The following SSBP4 variants were observed in gnomAD, a reference collection of about 807,000 sequenced individuals.
SSBP4 encodes the protein single-stranded DNA-binding protein 4.
Under a neutral mutation model 64.6 loss-of-function variants are expected in SSBP4, and 33 were observed. The observed-to-expected ratio is 0.51, with a 90% confidence interval of 0.39 to 0.68. The LOEUF (loss-of-function observed/expected upper bound fraction) is 0.68. SSBP4 is among the 30% of genes least tolerant of loss of function. The pLI is 0.00. For missense variants in SSBP4, 583 were observed against 566.8 expected (o/e 1.03, Z -0.29); for synonymous variants, 243 against 224.0 (o/e 1.08, Z -0.76).
chr19:18,433,702 G>T lies in SSBP4; in HGVS notation c.1021-8G>T, dbSNP rs1010290004. The stretch of plus-strand genomic sequence containing the variant: ...GGGGAGTTGCGAGCCGACGGCGGCC[G>T]CCCCCAGAGTTCCCCCGGCGCCGTG... On this transcript the variant is annotated splice_region_variant and splice_polypyrimidine_tract_variant and intron_variant, in intron 16 of 17. Coordinates refer to ENST00000270061, the MANE Select transcript of SSBP4 (RefSeq NM_032627.5). The T allele has an allele frequency of 4.8e-5, 68 of 1,426,562 alleles. No homozygotes were observed. In the African/African-American group the frequency reaches 9.7e-4, roughly 20 times the overall value. 88.4% of individuals were successfully genotyped at this position (1,426,562 alleles called of 1,614,324 possible). A position where few individuals can be genotyped will look rare whatever the true frequency, so the allele number is the denominator to read the frequency against.
At chr19:18,407,305 T>C in the SSBP4 span, among the ~76,000 whole-genome samples, 1 of 152,048 alleles carries the variant, frequency 6.6e-6, no homozygotes, top group African/African-American at 2.4e-5. Flanking sequence ...CCCAGAGTGC[T>C]GGGATTACAG....
At chr19:18,409,908 TG>T in the SSBP4 span, among the ~76,000 whole-genome samples, 1 of 152,330 alleles carries the variant, frequency 6.6e-6, no homozygotes, top group African/African-American at 2.4e-5. Context: ...CTCGGCTCAC[TG>T]AAATCTCTGT....
chr19:18,434,102 C>T, intron 17 of SSBP4, 115 bp from the exon 18 acceptor site: 1 of 1,492,038 alleles, frequency 6.7e-7, no homozygotes, highest in East Asian at 2.6e-5. Context: ...TGTCCCCACC[C>T]CATGTCTGCC....
At chr19:18,430,121 G>A (rs927519921) in intron 4 of SSBP4, among the ~76,000 whole-genome samples, 30 of 152,150 alleles carry the variant, frequency 2.0e-4, no homozygotes, top group African/African-American at 7.2e-4. Flanking sequence ...GGCTTGGCCT[G>A]GACCATACAG....
Position 18,432,201 on chromosome 19 carries a change from C to T in SSBP4, c.691C>T (p.Pro231Ser). Residue 231 changes from proline (P) to serine (S), a missense_variant, in exon 10 of 18, where the codon CCT (proline) becomes TCT (serine). By Grantham distance (74) the Pro-to-Ser change is moderately conservative. Around this residue, in one of 5 missense-constraint regions of SSBP4, gnomAD observed 444 missense variants for 386.6 expected, o/e 1.15. Transcript: ENST00000270061. ...PPNSLAGPGLPAMNMGPGVRG... is the reference protein window; with the variant it reads ...PPNSLAGPGLSAMNMGPGVRG... The stretch of plus-strand genomic sequence containing the variant: ...CAACTCCCTCGCCGGCCCAGGCCTG[C>T]CTGCCATGAACATGTAAGACCCTGG... 6.2e-7 allele frequency: 1 copy of T among 1,613,154 alleles called. No homozygotes were observed. Among genetic ancestry groups the T allele is most frequent in the Non-Finnish European group, 8.5e-7 (1 of 1,179,978 alleles).
the SSBP4 span, among the ~76,000 whole-genome samples, chr19:18,405,740 A>C: frequency 6.6e-6 from 1 of 152,124 alleles, no homozygotes; most frequent in African/African-American, 2.4e-5. Flanking sequence ...TAATCCCAGC[A>C]CTTTGGGAGA....
chr19:18,409,301 C>G, the SSBP4 span, among the ~76,000 whole-genome samples: 5 of 151,444 alleles, frequency 3.3e-5, no homozygotes, highest in Non-Finnish European at 7.4e-5. Flanking sequence ...ATTCTCTCGC[C>G]TCAGCCTTCT....
rs1972601209 is a variant in SSBP4 at position 18,423,483 on chromosome 19, C to G, written c.59+3776C>G. 6.6e-6 allele frequency among the ~76,000 whole-genome samples: 1 copy of G among 152,116 alleles called. No individual in the cohort carries two copies. Among genetic ancestry groups the G allele is most frequent in the Non-Finnish European group, 1.5e-5 (1 of 68,022 alleles). ...GAGGGTTGGAGGGTCAGGAGTGAGA[C>G]CTGGTGACGGATGGCAAGGTGACAC... On this transcript the variant is annotated intron_variant, in intron 1 of 17. Coordinates refer to ENST00000270061, the MANE Select transcript of SSBP4 (RefSeq NM_032627.5). This position sits in a 1 kb window ranked among gnomAD's most constrained non-coding sequence, Gnocchi z 4.0.
In SSBP4 at chr19:18,432,561, GC is replaced by G; in HGVS notation, c.710del (p.Pro237GlnfsTer57). On this transcript the variant is annotated frameshift_variant, in exon 11 of 18. Transcript: ENST00000270061. LOFTEE classifies it high-confidence loss of function. Reference protein sequence around the residue: ...AGPGLPAMNMGPGVRGPWASP... With the variant: ...AGPGLPAMNMXPGVRGPWASP... ...CTGTCATCCGCGGTCTCTTCCAGGG[GC>G]CCAGGAGTTCGTGGCCCGTGGGCCA... 1.4e-6 allele frequency: 2 copies of G among 1,444,352 alleles called. No individual in the cohort carries two copies. The highest frequency in any genetic ancestry group is 1.9e-5 in the Admixed American group (1 of 51,886). 89.5% of individuals were successfully genotyped at this position (1,444,352 alleles called of 1,614,324 possible).
chr19:18,431,473 GC>G (rs2144786047), intron 6 of SSBP4, 55 bp downstream of exon 6: 2 of 1,062,586 alleles, frequency 1.9e-6, no homozygotes, highest in Non-Finnish European at 2.7e-6. Context: ...CCCCAGCGCC[GC>G]CCCCTCCCAC....
chr19:18,429,859 CAG>C (rs1429905933), intron 4 of SSBP4, among the ~76,000 whole-genome samples: 1 of 152,152 alleles, frequency 6.6e-6, no homozygotes, highest in African/African-American at 2.4e-5. Flanking sequence ...AGGCTAACCT[CAG>C]AGAAGGGGCA....
chr19:18,405,061 C>G, the SSBP4 span, among the ~76,000 whole-genome samples: 4 of 151,302 alleles, frequency 2.6e-5, no homozygotes, highest in Non-Finnish European at 4.4e-5. Flanking sequence ...CTCAATTCAA[C>G]CCCATCACCA....
At chr19:18,415,070 C>A (rs938162309), upstream of SSBP4, among the ~76,000 whole-genome samples, 2 of 143,312 alleles carry the variant, frequency 1.4e-5, no homozygotes, top group African/African-American at 5.1e-5. Flanking sequence ...TCCCACCCCC[C>A]ACCCTCGACC....
rs1225485352 is a variant in SSBP4 at position 18,426,259 on chromosome 19, CAGAGA to C, written c.60-1091_60-1087del. Among the ~76,000 whole-genome samples, 1 of 152,152 alleles carries C rather than the reference CAGAGA, an allele frequency of 6.6e-6. No homozygotes were observed. The highest frequency in any genetic ancestry group is 2.4e-5 in the African/African-American group (1 of 41,426). ...GTTATTTTAGGATGGGGCCCGCAGC[CAGAGA>C]GGGCGGCGCAGCTGAGCTGGAGGCG... On this transcript the variant is annotated intron_variant, in intron 1 of 17. Transcript: ENST00000270061. The surrounding 1 kb of genome is among the most constrained non-coding windows in gnomAD (Gnocchi z 4.5).
At chr19:18,408,247 G>A in the SSBP4 span, among the ~76,000 whole-genome samples, 4 of 152,134 alleles carry the variant, frequency 2.6e-5, no homozygotes, top group Non-Finnish European at 4.4e-5. Context: ...AACCACAGAC[G>A]GAAGGAGAGT....
chr19:18,417,052 C>T (rs563678447), upstream of SSBP4, among the ~76,000 whole-genome samples: 11 of 151,990 alleles, frequency 7.2e-5, no homozygotes, highest in Non-Finnish European at 1.2e-4. This position sits in a 1 kb window ranked among gnomAD's most constrained non-coding sequence, Gnocchi z 5.4. Flanking sequence ...GCCGCCGGCG[C>T]CTCAGCCTCC....
upstream of SSBP4, chr19:18,418,879 T>G (rs1022683813): frequency 2.5e-6 from 2 of 810,982 alleles, no homozygotes; most frequent in African/African-American, 3.7e-5. This position sits in a 1 kb window ranked among gnomAD's most constrained non-coding sequence, Gnocchi z 6.7. Flanking sequence ...GGCCTGTGTT[T>G]AGTTGTTCCA....
At chr19:18,412,641 AT>A in the SSBP4 span, among the ~76,000 whole-genome samples, 2 of 151,924 alleles carry the variant, frequency 1.3e-5, no homozygotes, top group African/African-American at 4.8e-5. Flanking sequence ...AGTGCCACCT[AT>A]GGGTCTCTCA....
In SSBP4 at chr19:18,431,321, TC is replaced by T. The variant is rs750453433; in HGVS notation, c.370-25del. ...TCAGCCAAACCCAGTAGGGCCTCACTCCCCCCCACCCACCTGGTTCTGTCCT... is the reference window on the plus strand; with the variant it reads ...TCAGCCAAACCCAGTAGGGCCTCACTCCCCCCACCCACCTGGTTCTGTCCT... On this transcript the variant is annotated intron_variant, in intron 5 of 17. Transcript: ENST00000270061. 9.2e-4 allele frequency: 338 copies of T among 369,098 alleles called. 1 individual carries two copies. The highest frequency in any genetic ancestry group is 9.1e-4 in the Admixed American group (15 of 16,556). The allele number at this position is 369,098 out of a possible 1,614,324, so 22.9% of individuals were successfully genotyped here. A position where few individuals can be genotyped will look rare whatever the true frequency, so the allele number is the denominator to read the frequency against.
Sources: gnomAD v4.1 joint callset for allele counts (sites outside exome capture counted in the v4.1 genomes callset) on GRCh38, gnomAD v4.1.1 for gene constraint, gnomAD v4.1.1 regional missense constraint, Gnocchi (gnomAD v3.1) non-coding constraint, MANE v1.5 for transcripts, NCBI Gene and HGNC (gene_info 2026-07-23, HGNC 2026-07-21) for gene names.